The following NCOR1 variants were observed in gnomAD, a reference collection of about 807,000 sequenced individuals.
NCOR1 encodes the protein nuclear receptor corepressor 1.
Under a neutral mutation model 288.1 loss-of-function variants are expected in NCOR1, and 63 were observed. The ratio of observed to expected loss-of-function variants is 0.22; its 90% confidence interval spans 0.18 to 0.27. The LOEUF (loss-of-function observed/expected upper bound fraction) is 0.27, where lower values mean the gene tolerates loss of function less well. NCOR1 is among the 10% of genes least tolerant of loss of function. The pLI is 1.00. For missense variants in NCOR1, 2,397 were observed against 3,019.2 expected, an observed-to-expected ratio of 0.79 and a Z score of 4.83; for synonymous variants, 1,007 against 1,065.9, an observed-to-expected ratio of 0.94 and a Z score of 1.08.
At chr17:16,102,953 G>A (rs936204350) in intron 19 of NCOR1, among the ~76,000 whole-genome samples, 1 of 152,144 alleles carries the variant, frequency 6.6e-6, no homozygotes, top group Non-Finnish European at 1.5e-5. Context: ...AGTGTCTAGC[G>A]GCTACCACAC....
intron 1 of NCOR1, among the ~76,000 whole-genome samples, chr17:16,210,355 G>A: frequency 6.6e-6 from 1 of 152,178 alleles, no homozygotes; most frequent in East Asian, 1.9e-4. Flanking sequence ...TTGCACTCCA[G>A]CCTGGGCAAC....
intron 1 of NCOR1, among the ~76,000 whole-genome samples, chr17:16,197,591 A>C (rs1297113168): frequency 6.6e-6 from 1 of 152,194 alleles, no homozygotes; most frequent in East Asian, 1.9e-4. Context: ...AGATCAGAGA[A>C]AGTCAATAAT....
chr17:16,088,579 T>C (rs2152883166), intron 22 of NCOR1, among the ~76,000 whole-genome samples: 1 of 152,218 alleles, frequency 6.6e-6, no homozygotes, highest in East Asian at 1.9e-4. Context: ...AACCTCTTAT[T>C]TCCTTACTAC....
At chr17:16,120,934 C>T (rs2072880132) in intron 16 of NCOR1, 118 bp downstream of exon 16, 2 of 922,210 alleles carry the variant, frequency 2.2e-6, no homozygotes, top group Middle Eastern at 3.5e-4. Context: ...ATTTAAAGAC[C>T]ACACTTCAGG....
chr17:16,213,682 A>C (rs758342676), intron 1 of NCOR1, among the ~76,000 whole-genome samples: 5 of 152,068 alleles, frequency 3.3e-5, no homozygotes, highest in African/African-American at 4.8e-5. Flanking sequence ...TGTTTAAAAC[A>C]ATTTTATAAC....
chr17:16,070,123 A>ATT (rs2061580512), intron 31 of NCOR1, 42 bp downstream of exon 31: 1 of 1,502,476 alleles, frequency 6.7e-7, no homozygotes, highest in African/African-American at 1.4e-5. Flanking sequence ...TTTTTTTTAA[A>ATT]TGCAATAAAA....
At chr17:16,154,034 T>A (rs1201490494) in intron 6 of NCOR1, among the ~76,000 whole-genome samples, 3 of 145,086 alleles carry the variant, frequency 2.1e-5, no homozygotes, top group African/African-American at 5.1e-5. Context: ...TTTTTTTTTT[T>A]TTTTTTATTT....
intron 1 of NCOR1, among the ~76,000 whole-genome samples, chr17:16,195,516 ATAAAG>A (rs2089592368): frequency 6.6e-6 from 1 of 152,182 alleles, no homozygotes; most frequent in Non-Finnish European, 1.5e-5. Flanking sequence ...CATCTTCATT[ATAAAG>A]TATATTCCTA....
intron 2 of NCOR1, among the ~76,000 whole-genome samples, chr17:16,192,977 T>C (rs1349674258): frequency 1.3e-5 from 2 of 152,120 alleles, no homozygotes; most frequent in Non-Finnish European, 2.9e-5. Flanking sequence ...TACAATGTAT[T>C]ATGATAGAAA....
intron 1 of NCOR1, among the ~76,000 whole-genome samples, chr17:16,209,352 G>C (rs2091899049): frequency 6.6e-6 from 1 of 151,882 alleles, no homozygotes; most frequent in African/African-American, 2.4e-5. Flanking sequence ...AGCCCAAGTA[G>C]AATAAAGAAA....
rs2063149302 is a variant in NCOR1 at position 16,080,014 on chromosome 17, T to C, written c.3451A>G (p.Ser1151Gly). Residue 1151 changes from serine to glycine, a missense_variant, in exon 26 of 46, where the codon AGC becomes GGC. Transcript: ENST00000268712. ...EGSITRGTPT[S>G]KISVESIPSL... ...GGAATGCTCTCCACTGAAATTTTGC[T>C]GGTTGGAGTTCCCCGAGTTATACTT... The C allele has an allele frequency of 6.2e-7, 1 of 1,614,162 alleles. No homozygotes were observed.
chr17:16,034,652 A>G, intron 45 of NCOR1, 113 bp downstream of exon 45: 1 of 950,598 alleles, frequency 1.1e-6, no homozygotes, highest in South Asian at 1.7e-5. Context: ...ATGATACAGA[A>G]ATGGGAATAT....
chr17:16,116,944 G>A (rs1284022177), intron 18 of NCOR1, among the ~76,000 whole-genome samples: 1 of 152,136 alleles, frequency 6.6e-6, no homozygotes, highest in Non-Finnish European at 1.5e-5. Context: ...ATCTACCACA[G>A]CTTTGACACC....
rs529264815 is a variant in NCOR1, at chr17:16,170,564, G to C, written c.435+1239C>G. Among the ~76,000 whole-genome samples the C allele has an allele frequency of 3.8e-4, 58 of 152,252 alleles. 1 individual carries two copies. The highest frequency in any genetic ancestry group is 1.3e-3 in the African/African-American group (55 of 41,564). ...AAAAGGTAAACATAGGCCCGGCACA[G>C]TGGCTCATGCCTGTAATCCCAGCAC... On this transcript the variant is annotated intron_variant, in intron 4 of 45. Coordinates refer to ENST00000268712, the MANE Select transcript of NCOR1 (RefSeq NM_006311.4).
At chr17:16,130,363 C>G (rs2075398183) in intron 14 of NCOR1, among the ~76,000 whole-genome samples, 1 of 152,226 alleles carries the variant, frequency 6.6e-6, no homozygotes, top group South Asian at 2.1e-4. Flanking sequence ...ATGAAGGTTA[C>G]AAGTTACATC....
intron 30 of NCOR1, among the ~76,000 whole-genome samples, 191 bp from the exon 31 acceptor site, chr17:16,070,716 C>T (rs748063789): frequency 2.6e-5 from 4 of 152,132 alleles, no homozygotes; most frequent in Non-Finnish European, 5.9e-5. Context: ...ATGCTATAGA[C>T]ATAAGAAAAC....
At chr17:16,190,274 A>C (rs150842410) in intron 2 of NCOR1, among the ~76,000 whole-genome samples, 2 of 152,218 alleles carry the variant, frequency 1.3e-5, no homozygotes, top group Admixed American at 1.3e-4. Flanking sequence ...TGAAGTTTTA[A>C]GGCTACTAAC....
chr17:16,171,943 C>A lies in NCOR1; in HGVS notation c.295G>T (p.Val99Leu). Residue 99 changes from valine to leucine, a missense_variant, in exon 4 of 46, where the codon GTG (valine) becomes TTG (leucine). Physicochemically the swap from Val to Leu is conservative, Grantham distance 32. Coordinates refer to ENST00000268712, the MANE Select transcript of NCOR1 (RefSeq NM_006311.4). Reference sequence around the variant, plus strand: ...TTCGATTCCAGTGAATCATGATCCACTGGGGATGGGCCTGGATGAAACGGT... The same window carrying A: ...TTCGATTCCAGTGAATCATGATCCAATGGGGATGGGCCTGGATGAAACGGT... Reference protein sequence around the residue: ...YEPFHPGPSPVDHDSLESKRP... With the variant: ...YEPFHPGPSPLDHDSLESKRP... 4 of 1,610,736 alleles carry A rather than the reference C, an allele frequency of 2.5e-6. No homozygotes were observed. Among genetic ancestry groups the A allele is most frequent in the Non-Finnish European group, 3.4e-6 (4 of 1,178,552 alleles).
intron 15 of NCOR1, among the ~76,000 whole-genome samples, chr17:16,121,615 G>A (rs566240292): frequency 6.6e-6 from 1 of 152,276 alleles, no homozygotes; most frequent in East Asian, 1.9e-4. Context: ...ACACCAAAAG[G>A]CAGGAATTCT....
Sources: gnomAD v4.1 joint callset for allele counts (sites outside exome capture counted in the v4.1 genomes callset) on GRCh38, gnomAD v4.1.1 for gene constraint, MANE v1.5 for transcripts, NCBI Gene and HGNC (gene_info 2026-07-23, HGNC 2026-07-21) for gene names.